ROBO2: variants seen among roughly 807,000 people sequenced by gnomAD.
The protein encoded by ROBO2 is roundabout homolog 2.
Under a neutral mutation model 160.8 loss-of-function variants are expected in ROBO2, and 53 were observed. That is an observed-to-expected ratio of 0.33 (90% CI 0.26 to 0.41). The LOEUF (loss-of-function observed/expected upper bound fraction) is 0.41, where lower values mean the gene tolerates loss of function less well. Ranked by LOEUF, ROBO2 falls within the 10% of genes least tolerant of loss-of-function variation. ROBO2 has a pLI of 1.00. For missense variants in ROBO2, 1,577 were observed against 1,722.4 expected (o/e 0.92, Z 1.49); for synonymous variants, 664 against 611.7 (o/e 1.09, Z -1.26).
intron 2 of ROBO2, among the ~76,000 whole-genome samples, chr3:76,166,742 A>AT (rs1338375025): frequency 1.3e-5 from 2 of 152,172 alleles, no homozygotes; most frequent in Non-Finnish European, 2.9e-5. Context: ...GATGACATTC[A>AT]TTTTTGACTC....
intron 1 of ROBO2, among the ~76,000 whole-genome samples, chr3:75,929,939 C>A (rs552557943): frequency 8.5e-5 from 13 of 152,280 alleles, no homozygotes; most frequent in African/African-American, 3.1e-4. Context: ...AGGTGATCTG[C>A]CTGCCTCAGC....
At chr3:77,608,014 A>C (rs1040929749) in intron 21 of ROBO2, 60 bp downstream of exon 22, 66 of 1,565,704 alleles carry the variant, frequency 4.2e-5, no homozygotes, top group Middle Eastern at 1.7e-4. Flanking sequence ...TCTGTTGTTC[A>C]TTTTTGCCAT....
chr3:76,606,440 C>T (rs1365735176), intron 2 of ROBO2, among the ~76,000 whole-genome samples: 1 of 152,078 alleles, frequency 6.6e-6, no homozygotes, highest in Admixed American at 6.6e-5. Context: ...AGCTTCTAAG[C>T]CCTGTGGAAT....
intron 2 of ROBO2, among the ~76,000 whole-genome samples, chr3:76,930,466 A>T (rs974851035): frequency 6.6e-6 from 1 of 151,886 alleles, no homozygotes; most frequent in African/African-American, 2.4e-5. Context: ...TTCCCTACTT[A>T]TTTTTTTTAT....
chr3:76,504,782 C>A (rs1471621474), intron 2 of ROBO2, among the ~76,000 whole-genome samples: 1 of 152,058 alleles, frequency 6.6e-6, no homozygotes, highest in Non-Finnish European at 1.5e-5. Flanking sequence ...CCCACCTTGG[C>A]CTCCCAAAGG....
chr3:77,263,194 C>T lies in ROBO2; in HGVS notation c.388+164854C>T, dbSNP rs1353810241. On this transcript the variant is annotated intron_variant, in intron 2 of 25. Coordinates refer to ENST00000461745, the Ensembl canonical transcript of ROBO2. The stretch of plus-strand genomic sequence containing the variant: ...GCCACATTTCAAATAGACATGACTT[C>T]AGAGAGGCAAAGCTAAAATTTAAGC... 2.0e-5 allele frequency among the ~76,000 whole-genome samples: 3 copies of T among 152,222 alleles called. No homozygotes were observed. In the East Asian group the frequency reaches 5.8e-4, roughly 29 times the overall value.
intron 1 of ROBO2, among the ~76,000 whole-genome samples, chr3:75,919,555 TGAGTTAGGGAG>T (rs1461349089): frequency 6.6e-6 from 1 of 152,326 alleles, no homozygotes; most frequent in African/African-American, 2.4e-5. Flanking sequence ...CCTCATAAAA[TGAGTTAGGGAG>T]GAGTCCCTCT....
intron 4 of ROBO2, among the ~76,000 whole-genome samples, chr3:77,490,483 A>G (rs2085963842): frequency 6.6e-6 from 1 of 152,144 alleles, no homozygotes; most frequent in South Asian, 2.1e-4. Context: ...CTTTATTTAG[A>G]TGATTTGTAA....
intron 2 of ROBO2, among the ~76,000 whole-genome samples, chr3:76,400,034 A>G (rs2077722937): frequency 1.3e-5 from 2 of 151,672 alleles, no homozygotes; most frequent in East Asian, 3.9e-4. Flanking sequence ...TATAAAGAAT[A>G]TATTCATTTT....
chr3:76,510,937 G>C (rs9849895), intron 2 of ROBO2, among the ~76,000 whole-genome samples: 6,630 of 152,064 alleles, frequency 0.044, 498 homozygotes, highest in African/African-American at 0.15. Flanking sequence ...CAAATGGAAT[G>C]GTTGCAGAAA....
intron 2 of ROBO2, among the ~76,000 whole-genome samples, chr3:76,568,579 T>A (rs1352022344): frequency 6.6e-6 from 1 of 152,116 alleles, no homozygotes; most frequent in African/African-American, 2.4e-5. Flanking sequence ...GTGCTGGGAT[T>A]ACAGGCGTGA....
At chr3:77,031,660 A>C (rs1283602339) in intron 2 of ROBO2, among the ~76,000 whole-genome samples, 1 of 146,664 alleles carries the variant, frequency 6.8e-6, no homozygotes. Context: ...AAGACACATA[A>C]TATATAATAT....
chr3:76,259,894 G>C (rs1338455555), intron 2 of ROBO2, among the ~76,000 whole-genome samples: 1 of 152,142 alleles, frequency 6.6e-6, no homozygotes, highest in Non-Finnish European at 1.5e-5. Context: ...TCTTGTGTCT[G>C]CTGGCAGCAT....
chr3:75,930,126 T>G (rs1947472618), intron 1 of ROBO2, among the ~76,000 whole-genome samples: 1 of 152,220 alleles, frequency 6.6e-6, no homozygotes, highest in Admixed American at 6.5e-5. Context: ...TTTTGACATC[T>G]TTATTTCCAT....
At chr3:77,533,998 T>G (rs1353889509) in intron 6 of ROBO2, among the ~76,000 whole-genome samples, 1 of 152,094 alleles carries the variant, frequency 6.6e-6, no homozygotes, top group African/African-American at 2.4e-5. Context: ...AAGTATCATT[T>G]TTCCCATAAA....
intron 2 of ROBO2, among the ~76,000 whole-genome samples, chr3:77,473,518 AACTCG>A (rs1224349366): frequency 1.5e-5 from 2 of 133,312 alleles, no homozygotes; most frequent in African/African-American, 2.9e-5. Context: ...GGAGTGCATG[AACTCG>A]ACTCACTGCA....
intron 2 of ROBO2, among the ~76,000 whole-genome samples, chr3:77,280,591 A>G (rs554033674): frequency 2.1e-4 from 32 of 152,166 alleles, no homozygotes; most frequent in Middle Eastern, 6.8e-3. Flanking sequence ...TGAATAAACT[A>G]TTTTTTCCAC....
chr3:75,998,114 A>G (rs1327380421), intron 2 of ROBO2, among the ~76,000 whole-genome samples: 1 of 152,216 alleles, frequency 6.6e-6, no homozygotes, highest in Non-Finnish European at 1.5e-5. Flanking sequence ...TTCTATATCT[A>G]CATAAAATGT....
intron 1 of ROBO2, among the ~76,000 whole-genome samples, chr3:75,923,764 T>C (rs1947164076): frequency 6.6e-6 from 1 of 152,214 alleles, no homozygotes; most frequent in South Asian, 2.1e-4. Context: ...TAAAGACTAT[T>C]GCTAAGCACA....
Sources: gnomAD v4.1 joint callset for allele counts (sites outside exome capture counted in the v4.1 genomes callset) on GRCh38, gnomAD v4.1.1 for gene constraint, MANE v1.5 for transcripts, NCBI Gene and HGNC (gene_info 2026-07-23, HGNC 2026-07-21) for gene names.